ANO3: variants seen among roughly 807,000 people sequenced by gnomAD.
ANO3 encodes the protein anoctamin-3.
Under a neutral mutation model 144.8 loss-of-function variants are expected in ANO3, and 99 were observed. The ratio of observed to expected loss-of-function variants is 0.68; its 90% confidence interval spans 0.58 to 0.81. The LOEUF (loss-of-function observed/expected upper bound fraction) is 0.81. Ranked by LOEUF, ANO3 falls within the 30% of genes least tolerant of loss-of-function variation. ANO3 has a pLI of 0.00. For missense variants in ANO3, 905 were observed against 1,202.2 expected (o/e 0.75, Z 3.66); for synonymous variants, 414 against 392.6 (o/e 1.05, Z -0.64).
In ANO3 at chr11:26,543,417, G is replaced by A. The variant is rs1419066662; in HGVS notation, c.1154+1349G>A. ...AAGGAAAAAAGTAGAATGTGGATCT[G>A]GAGACACAGAGGGTAAACATCCACC... On this transcript the variant is annotated intron_variant, in intron 11 of 26. Transcript: ENST00000256737. 3.3e-5 allele frequency among the ~76,000 whole-genome samples: 5 copies of A among 151,650 alleles called. 1 individual carries two copies. The South Asian group carries it at 1.0e-3, about 32-fold the overall frequency.
At chr11:26,279,654 CA>C (rs997790366) in intron 1 of ANO3, among the ~76,000 whole-genome samples, 2 of 152,104 alleles carry the variant, frequency 1.3e-5, no homozygotes, top group Non-Finnish European at 2.9e-5. Flanking sequence ...GATAGCCTTG[CA>C]AGTAGGGTCT....
In ANO3 at chr11:26,591,890, T is replaced by C. The variant is rs1413702850; in HGVS notation, c.1448-6475T>C. 3.9e-5 allele frequency among the ~76,000 whole-genome samples: 6 copies of C among 152,068 alleles called. No homozygotes were observed. In the East Asian group the frequency reaches 1.2e-3, roughly 29 times the overall value. On this transcript the variant is annotated intron_variant, in intron 14 of 26. Coordinates refer to ENST00000256737, the MANE Select transcript of ANO3 (RefSeq NM_031418.4). ...GACTTGAGCGTGATGTATCCAAGAC[T>C]CCACTCCAGCCACTTTAACCATGGT...
rs542976740 is a variant in ANO3, at chr11:26,392,169, G to A, written c.47-49749G>A. 2.7e-5 allele frequency among the ~76,000 whole-genome samples: 4 copies of A among 150,722 alleles called. No homozygotes were observed. In the East Asian group the frequency reaches 7.8e-4, roughly 29 times the overall value. On this transcript the variant is annotated intron_variant, in intron 1 of 26. Coordinates refer to ENST00000256737, the MANE Select transcript of ANO3 (RefSeq NM_031418.4). ...TTTTCATAATAACCTCACTGGGATT[G>A]TGGAGATTGAGTCACAAGACTGGTT...
chr11:26,271,394 A>G (rs1385190865), intron 1 of ANO3, among the ~76,000 whole-genome samples: 1 of 152,256 alleles, frequency 6.6e-6, no homozygotes, highest in Non-Finnish European at 1.5e-5. Context: ...ATGTGTGTAT[A>G]TGTCTAAATA....
Position 26,537,483 on chromosome 11 carries a change from C to G in ANO3, c.1032+22C>G, listed in dbSNP as rs369057298. On this transcript the variant is annotated intron_variant, in intron 10 of 26. Coordinates refer to ENST00000256737, the MANE Select transcript of ANO3 (RefSeq NM_031418.4). ...TGAGGTAATTTTGAAATACAGTTTC[C>G]GCTTTATAAACAAGGTTTTCATGCT... 749 of 1,599,592 alleles carry G rather than the reference C, an allele frequency of 4.7e-4. 11 individuals are homozygous for G. The South Asian group carries it at 6.6e-3, about 14-fold the overall frequency.
At chr11:26,362,490 GA>G (rs768359302) in intron 1 of ANO3, among the ~76,000 whole-genome samples, 5 of 152,160 alleles carry the variant, frequency 3.3e-5, no homozygotes, top group Admixed American at 6.6e-5. Flanking sequence ...AAAGCCTGCA[GA>G]TTTTTGAGCA....
intron 1 of ANO3, among the ~76,000 whole-genome samples, chr11:26,392,523 G>A (rs1224339888): frequency 1.3e-5 from 2 of 151,752 alleles, no homozygotes; most frequent in African/African-American, 4.8e-5. Flanking sequence ...GTTTTCAAAG[G>A]GCTTTACTAA....
At chr11:26,497,354 T>A (rs570828168) in intron 4 of ANO3, among the ~76,000 whole-genome samples, 17 of 152,130 alleles carry the variant, frequency 1.1e-4, no homozygotes, top group Admixed American at 9.8e-4. Context: ...ATATAATGGT[T>A]TCTTTTCTAT....
chr11:26,308,725 C>T (rs539020959), upstream of ANO3, among the ~76,000 whole-genome samples: 24 of 152,166 alleles, frequency 1.6e-4, no homozygotes, highest in Non-Finnish European at 3.1e-4. Flanking sequence ...TGGTATCCAC[C>T]GTTAAGGAAC....
intron 1 of ANO3, among the ~76,000 whole-genome samples, chr11:26,347,885 GT>G (rs1457698500): frequency 6.6e-6 from 1 of 152,178 alleles, no homozygotes; most frequent in Non-Finnish European, 1.5e-5. Context: ...AACATCATGT[GT>G]TTTACAGAGA....
chr11:26,573,068 G>A (rs1475278378), intron 14 of ANO3, among the ~76,000 whole-genome samples: 2 of 152,160 alleles, frequency 1.3e-5, no homozygotes, highest in African/African-American at 4.8e-5. Context: ...AGCGTTTGGG[G>A]ATGGCGCCAA....
rs569827296 is a variant in ANO3, at chr11:26,641,581, G to A, written c.2142-315G>A. On this transcript the variant is annotated intron_variant, in intron 21 of 26. Transcript: ENST00000256737. ...GAATATTTGTTTAATCAATGTCAAG[G>A]ACCATTTTAGTGTATAGAGCTTGAA... Among the ~76,000 whole-genome samples, 34 of 152,128 alleles carry A rather than the reference G, an allele frequency of 2.2e-4. No individual in the cohort carries two copies. The South Asian group carries it at 6.9e-3, about 31-fold the overall frequency.
chr11:26,215,434 T>C (rs1852017483), intron 1 of ANO3, among the ~76,000 whole-genome samples: 1 of 152,038 alleles, frequency 6.6e-6, no homozygotes, highest in Non-Finnish European at 1.5e-5. Context: ...CCCTTTGAAC[T>C]GCCACTATCA....
intron 15 of ANO3, 65 bp from the exon 16 acceptor site, chr11:26,598,793 T>G: frequency 6.5e-7 from 1 of 1,535,030 alleles, no homozygotes; most frequent in Non-Finnish European, 8.8e-7. Context: ...ATCGTATCAA[T>G]TCTTGGGGGT....
At chr11:26,347,279 G>C (rs1049578782) in intron 1 of ANO3, among the ~76,000 whole-genome samples, 1 of 152,342 alleles carries the variant, frequency 6.6e-6, no homozygotes, top group African/African-American at 2.4e-5. Flanking sequence ...CCAGTGAAGT[G>C]CCTGCCACAG....
intron 1 of ANO3, among the ~76,000 whole-genome samples, chr11:26,404,542 C>T (rs537209271): frequency 7.2e-5 from 11 of 151,760 alleles, no homozygotes; most frequent in East Asian, 3.9e-4. Flanking sequence ...ATGCATGCAA[C>T]GTTCCCGAAA....
chr11:26,261,265 C>T (rs1215809861), intron 1 of ANO3, among the ~76,000 whole-genome samples: 1 of 152,096 alleles, frequency 6.6e-6, no homozygotes, highest in East Asian at 1.9e-4. Context: ...AATCTACACA[C>T]TTATTTATTA....
At chr11:26,366,442 A>G (rs778786042) in intron 1 of ANO3, among the ~76,000 whole-genome samples, 2 of 152,146 alleles carry the variant, frequency 1.3e-5, no homozygotes, top group Admixed American at 6.5e-5. Context: ...TAGTGCTGCA[A>G]TAAACATACA....
At chr11:26,606,931 G>A (rs1233517441) in intron 17 of ANO3, among the ~76,000 whole-genome samples, 4 of 152,070 alleles carry the variant, frequency 2.6e-5, no homozygotes, top group Non-Finnish European at 5.9e-5. Flanking sequence ...CATATTTAGT[G>A]CTTCCTTCAG....
Sources: allele counts gnomAD v4.1 joint callset (sites outside exome capture counted in the v4.1 genomes callset), GRCh38; gene constraint gnomAD v4.1.1; transcripts MANE v1.5; gene names NCBI Gene and HGNC (gene_info 2026-07-23, HGNC 2026-07-21).